The following OSMR variants were observed in gnomAD, a reference collection of about 807,000 sequenced individuals.
OSMR encodes the protein oncostatin M receptor, also known as oncostatin-M-specific receptor subunit beta.
OSMR carries 81 observed loss-of-function variants against 99.9 expected under a neutral mutation model. That is an observed-to-expected ratio of 0.81 (90% CI 0.68 to 0.97). The LOEUF (loss-of-function observed/expected upper bound fraction) is 0.97, where lower values mean the gene tolerates loss of function less well. OSMR is among the 50% of genes least tolerant of loss of function. The pLI is 0.00. For synonymous variants in OSMR, 406 were observed against 410.4 expected, an observed-to-expected ratio of 0.99 and a Z score of 0.13; for missense variants, 1,099 against 1,153.4, an observed-to-expected ratio of 0.95 and a Z score of 0.68.
intron 4 of OSMR, 33 bp from the exon 5 acceptor site, chr5:38,883,794 C>T (rs774939736): frequency 9.3e-6 from 15 of 1,611,542 alleles, no homozygotes; most frequent in South Asian, 7.7e-5. Flanking sequence ...ATTTTGAGTG[C>T]GATTCTAACT....
At chr5:38,866,886 A>G (rs1428656209) in intron 1 of OSMR, among the ~76,000 whole-genome samples, 7 of 152,102 alleles carry the variant, frequency 4.6e-5, no homozygotes, top group African/African-American at 1.4e-4. Context: ...GGGATCTCTC[A>G]CTTAACTTTT....
At chr5:38,854,607 A>G (rs1257879533) in intron 1 of OSMR, among the ~76,000 whole-genome samples, 3 of 152,216 alleles carry the variant, frequency 2.0e-5, no homozygotes, top group Non-Finnish European at 4.4e-5. Flanking sequence ...AAAGGCCTGA[A>G]CAGATATCTA....
At chr5:38,848,970 G>A (rs761300718) in intron 1 of OSMR, among the ~76,000 whole-genome samples, 6 of 151,920 alleles carry the variant, frequency 3.9e-5, no homozygotes, top group Non-Finnish European at 2.9e-5. Flanking sequence ...TAAAGATTGG[G>A]TCTCTCCATG....
chr5:38,860,366 C>T (rs1741188762), intron 1 of OSMR, among the ~76,000 whole-genome samples: 1 of 152,134 alleles, frequency 6.6e-6, no homozygotes, highest in Admixed American at 6.5e-5. Context: ...TAACGTATCA[C>T]ATTTATTGAT....
intron 2 of OSMR, 75 bp from the exon 3 acceptor site, chr5:38,876,126 C>A: frequency 6.3e-7 from 1 of 1,575,706 alleles, no homozygotes; most frequent in Admixed American, 1.7e-5. Context: ...TGATGATATT[C>A]AAGTTTAATT....
chr5:38,857,808 T>G (rs1299623196), intron 1 of OSMR, among the ~76,000 whole-genome samples: 4 of 151,960 alleles, frequency 2.6e-5, no homozygotes, highest in Admixed American at 2.0e-4. Flanking sequence ...GCTGGGACTA[T>G]GGAGGCGTGC....
chr5:38,914,758 C>G (rs1023528165), intron 9 of OSMR, among the ~76,000 whole-genome samples: 11 of 152,148 alleles, frequency 7.2e-5, no homozygotes, highest in Non-Finnish European at 1.2e-4. Flanking sequence ...TGCATGTTCT[C>G]ACTTTTAAGT....
intron 2 of OSMR, among the ~76,000 whole-genome samples, chr5:38,871,066 G>T (rs149880445): frequency 1.7e-3 from 258 of 152,300 alleles, no homozygotes; most frequent in African/African-American, 4.4e-3. Flanking sequence ...GGAACAGAGG[G>T]AATTGGGGAA....
intron 7 of OSMR, among the ~76,000 whole-genome samples, chr5:38,890,076 T>G (rs1210709798): frequency 6.6e-6 from 1 of 152,248 alleles, no homozygotes; most frequent in Non-Finnish European, 1.5e-5. Flanking sequence ...GAAATTTTAT[T>G]TTTTTGTTAT....
Position 38,869,037 on chromosome 5 carries a change from C to G in OSMR, c.-8C>G. On this transcript the variant is annotated 5_prime_UTR_variant, in exon 2 of 18. Transcript: ENST00000274276. Reference sequence around the variant, plus strand: ...TTATAATTTATCTTTTTCAGAAAACCAGAACTGATGGCTCTATTTGCAGTC... The same window carrying G: ...TTATAATTTATCTTTTTCAGAAAACGAGAACTGATGGCTCTATTTGCAGTC... The G allele has an allele frequency of 6.2e-7, 1 of 1,613,230 alleles. No individual in the cohort carries two copies. The highest frequency in any genetic ancestry group is 1.1e-5 in the South Asian group (1 of 90,920).
chr5:38,933,413 C>T lies in OSMR; in HGVS notation c.2909C>T (p.Thr970Ile). ...GAGAATAGCAGCCTCTCCTCAATTACCCTTTTAGATCCAGGTGAACACTAC... is the reference window on the plus strand; with the variant it reads ...GAGAATAGCAGCCTCTCCTCAATTATCCTTTTAGATCCAGGTGAACACTAC... The part of the protein sequence containing the change: ...PTENSSLSSI[T>I]LLDPGEHYC The change falls in exon 18 of 18, where the codon ACC becomes ATC. Residue 970 changes from threonine (T) to isoleucine (I), a missense_variant. Physicochemically the swap from Thr to Ile is moderately conservative, Grantham distance 89. Transcript: ENST00000274276. 8 of 1,614,096 alleles carry T rather than the reference C, an allele frequency of 5.0e-6. No individual in the cohort carries two copies. The highest frequency in any genetic ancestry group is 6.8e-6 in the Non-Finnish European group (8 of 1,179,958).
At chr5:38,849,904 T>C (rs918298430) in intron 1 of OSMR, among the ~76,000 whole-genome samples, 1 of 152,206 alleles carries the variant, frequency 6.6e-6, no homozygotes, top group Non-Finnish European at 1.5e-5. Flanking sequence ...AATTAATAAA[T>C]GCATGTACGT....
rs576862796 is a variant in OSMR, at chr5:38,892,178, C to T, written c.991+5988C>T. Among the ~76,000 whole-genome samples the T allele has an allele frequency of 2.0e-5, 3 of 149,802 alleles. No individual in the cohort carries two copies. The East Asian group carries it at 9.8e-4, about 49-fold the overall frequency. On this transcript the variant is annotated intron_variant, in intron 7 of 17. Coordinates refer to ENST00000274276, the MANE Select transcript of OSMR (RefSeq NM_003999.3). Reference sequence around the variant, plus strand: ...CCACAGCTGTGTGTCTTCATTGCTTCAGCTGAGAAATCCTGCCCTCCCTGG... The same window carrying T: ...CCACAGCTGTGTGTCTTCATTGCTTTAGCTGAGAAATCCTGCCCTCCCTGG...
chr5:38,865,199 T>A (rs1427998818), intron 1 of OSMR, among the ~76,000 whole-genome samples: 2 of 152,234 alleles, frequency 1.3e-5, no homozygotes, highest in East Asian at 3.8e-4. Flanking sequence ...TTCTTTAATA[T>A]CATTACTTTG....
At chr5:38,851,187 T>A (rs548931533) in intron 1 of OSMR, among the ~76,000 whole-genome samples, 2 of 152,314 alleles carry the variant, frequency 1.3e-5, no homozygotes, top group East Asian at 3.9e-4. Context: ...GAGCTTAATA[T>A]GTTTAAAACA....
chr5:38,885,960 C>CCTCA, intron 6 of OSMR, 79 bp from the exon 7 acceptor site: 1 of 1,576,048 alleles, frequency 6.3e-7, no homozygotes. Flanking sequence ...TGAGTATGCC[C>CCTCA]TGAGGGATAA....
At chr5:38,902,600 CG>C (rs759143821) in intron 7 of OSMR, among the ~76,000 whole-genome samples, 11 of 152,192 alleles carry the variant, frequency 7.2e-5, no homozygotes, top group Admixed American at 6.5e-5. Flanking sequence ...CAGTGCCCTT[CG>C]GTAAGCACCT....
At chr5:38,868,333 G>T (rs550825292) in intron 1 of OSMR, among the ~76,000 whole-genome samples, 1 of 152,192 alleles carries the variant, frequency 6.6e-6, no homozygotes, top group Non-Finnish European at 1.5e-5. Context: ...TCTGTTTCAT[G>T]TGTTGCTCAT....
downstream of OSMR, among the ~76,000 whole-genome samples, chr5:38,937,479 C>A (rs1747105826): frequency 6.6e-6 from 1 of 152,212 alleles, no homozygotes; most frequent in Non-Finnish European, 1.5e-5. The surrounding 1 kb of genome is among the most constrained non-coding windows in gnomAD (Gnocchi z 4.0). Context: ...AACTTCGACA[C>A]TCAACTTTAT....
Sources: allele counts gnomAD v4.1 joint callset (sites outside exome capture counted in the v4.1 genomes callset), GRCh38; gene constraint gnomAD v4.1.1; non-coding constraint Gnocchi (gnomAD v3.1); transcripts MANE v1.5; gene names NCBI Gene and HGNC (gene_info 2026-07-23, HGNC 2026-07-21).